Variants in NALCN observed in about 807,000 individuals in gnomAD.
The protein encoded by NALCN is sodium leak channel NALCN.
Under a neutral mutation model 225.3 loss-of-function variants are expected in NALCN, and 111 were observed. The observed-to-expected ratio is 0.49, with a 90% CI of 0.42 to 0.58. NALCN has a LOEUF of 0.58. Ranked by LOEUF, NALCN falls within the 20% of genes least tolerant of loss-of-function variation. The pLI, the probability that NALCN is intolerant of heterozygous loss-of-function variation, is 0.00. For missense variants in NALCN, 1,378 were observed against 2,202.4 expected, an observed-to-expected ratio of 0.63 and a Z score of 7.49; for synonymous variants, 764 against 769.0, an observed-to-expected ratio of 0.99 and a Z score of 0.11.
chr13:101,059,326 A>G (rs1009515033), intron 42 of NALCN: 5 of 152,542 alleles, frequency 3.3e-5, no homozygotes, highest in African/African-American at 1.2e-4. Flanking sequence ...CTGATACCCA[A>G]CCAGGAAAGG....
In NALCN at chr13:101,223,449, G is replaced by A. The variant is rs1401280112; in HGVS notation, c.1626+5944C>T. On this transcript the variant is annotated intron_variant, in intron 13 of 43. Transcript: ENST00000251127. ...GAGGCTTTTCCCACAACCAACAAAC[G>A]AGCCTCTAATGTCACCTCCAAATTA... Among the ~76,000 whole-genome samples, 4 of 152,198 alleles carry A rather than the reference G, an allele frequency of 2.6e-5. No individual in the cohort carries two copies. The South Asian group carries it at 6.2e-4, about 24-fold the overall frequency.
intron 1 of NALCN, among the ~76,000 whole-genome samples, chr13:101,408,602 A>G (rs1322451552): frequency 1.3e-5 from 2 of 152,098 alleles, no homozygotes; most frequent in Admixed American, 1.3e-4. Flanking sequence ...TTGATTTTCA[A>G]TCTAATTTTG....
At chr13:101,126,685 G>T (rs1174323186) in intron 17 of NALCN, among the ~76,000 whole-genome samples, 1 of 151,968 alleles carries the variant, frequency 6.6e-6, no homozygotes, top group Non-Finnish European at 1.5e-5. Context: ...TAGAGATGGG[G>T]TTTCACCATA....
chr13:101,337,277 A>ATTAT (rs3062886), intron 7 of NALCN, among the ~76,000 whole-genome samples: 27,832 of 142,408 alleles, frequency 0.2, 3,069 homozygotes, highest in African/African-American at 0.28. Context: ...TTTACTCTTT[A>ATTAT]TTATTTATTT....
intron 13 of NALCN, among the ~76,000 whole-genome samples, chr13:101,212,888 T>C (rs1319513877): frequency 6.6e-6 from 1 of 152,140 alleles, no homozygotes; most frequent in Non-Finnish European, 1.5e-5. Context: ...AATTTATAGA[T>C]TCAATGCCAT....
At position 101,115,402 on chromosome 13, in the gene NALCN, T is replaced by C. The variant is rs779628558; in HGVS notation, c.2193-4176A>G. ...GTGAACTTAGTTCAATTTCTTTAAC[T>C]GGAGATCAGATCTGTTGCTGGGAAC... On this transcript the variant is annotated intron_variant, in intron 18 of 43. Coordinates refer to ENST00000251127, the MANE Select transcript of NALCN (RefSeq NM_052867.4). 2.0e-5 allele frequency among the ~76,000 whole-genome samples: 3 copies of C among 152,332 alleles called. No homozygotes were observed. In the East Asian group the frequency reaches 5.8e-4, roughly 29 times the overall value.
intron 17 of NALCN, among the ~76,000 whole-genome samples, chr13:101,141,830 A>T (rs996964876): frequency 6.6e-6 from 1 of 152,140 alleles, no homozygotes; most frequent in Non-Finnish European, 1.5e-5. Context: ...AGAAATATGG[A>T]TTTCACTATA....
chr13:101,264,862 A>G (rs1055906485), intron 10 of NALCN, among the ~76,000 whole-genome samples: 2 of 152,218 alleles, frequency 1.3e-5, no homozygotes, highest in African/African-American at 4.8e-5. Flanking sequence ...TTGGCTTCAT[A>G]AAAACAAAAG....
At chr13:101,212,106 C>T (rs2040547197) in intron 13 of NALCN, among the ~76,000 whole-genome samples, 1 of 152,144 alleles carries the variant, frequency 6.6e-6, no homozygotes, top group Non-Finnish European at 1.5e-5. Context: ...GGTCATATGT[C>T]CCTCCATGCC....
chr13:101,060,001 A>G (rs2031720543), intron 41 of NALCN, 34 bp from the exon 42 acceptor site: 1 of 1,608,646 alleles, frequency 6.2e-7, no homozygotes, highest in Non-Finnish European at 8.5e-7. Flanking sequence ...CAGTAAAATA[A>G]GCCCAGCATC....
At chr13:101,298,813 C>A (rs545395642) in intron 7 of NALCN, among the ~76,000 whole-genome samples, 8 of 152,332 alleles carry the variant, frequency 5.3e-5, no homozygotes, top group Non-Finnish European at 1.0e-4. Context: ...ACAGTCCCTG[C>A]AACCCCCAAC....
intron 40 of NALCN, among the ~76,000 whole-genome samples, 164 bp from the exon 41 acceptor site, chr13:101,062,282 G>C (rs1298296415): frequency 6.6e-6 from 1 of 152,136 alleles, no homozygotes; most frequent in Non-Finnish European, 1.5e-5. Context: ...TCACCTCTCT[G>C]TGTCTCCCTT....
At chr13:101,159,420 G>A (rs911969670) in intron 15 of NALCN, among the ~76,000 whole-genome samples, 2 of 152,136 alleles carry the variant, frequency 1.3e-5, no homozygotes, top group African/African-American at 2.4e-5. Context: ...CGCCCCCTCC[G>A]GGTGGTTACT....
chr13:101,209,229 C>T (rs1339423663), intron 13 of NALCN, among the ~76,000 whole-genome samples: 1 of 152,154 alleles, frequency 6.6e-6, no homozygotes, highest in Non-Finnish European at 1.5e-5. Context: ...TAAACTCTCA[C>T]ACATAAAAAG....
At chr13:101,275,378 G>A (rs758977029) in intron 10 of NALCN, among the ~76,000 whole-genome samples, 7 of 152,196 alleles carry the variant, frequency 4.6e-5, no homozygotes, top group African/African-American at 7.2e-5. Flanking sequence ...GAGAAAGGCC[G>A]AATGACACTT....
chr13:101,363,460 CA>C (rs1481649909), intron 6 of NALCN, among the ~76,000 whole-genome samples: 1 of 151,960 alleles, frequency 6.6e-6, no homozygotes. Context: ...TCATTCTTGA[CA>C]AAGGTATCAA....
chr13:101,083,066 C>T (rs370793812), intron 32 of NALCN, 26 bp downstream of exon 32: 232 of 1,606,078 alleles, frequency 1.4e-4, no homozygotes, highest in Non-Finnish European at 1.9e-4. Context: ...AATTCATTCC[C>T]GGAGTCTTAG....
At chr13:101,145,480 T>C in intron 15 of NALCN, among the ~76,000 whole-genome samples, 1 of 152,178 alleles carries the variant, frequency 6.6e-6, no homozygotes, top group East Asian at 1.9e-4. Context: ...CGAACTTAAA[T>C]GCCATATGAT....
intron 7 of NALCN, among the ~76,000 whole-genome samples, chr13:101,305,385 G>A (rs142460299): frequency 0.017 from 2,622 of 152,260 alleles, 23 homozygotes; most frequent in Admixed American, 0.03. Context: ...CCTAATGGAC[G>A]CTTATAAAAT....
Sources: gnomAD v4.1 joint callset for allele counts (sites outside exome capture counted in the v4.1 genomes callset) on GRCh38, gnomAD v4.1.1 for gene constraint, MANE v1.5 for transcripts, NCBI Gene and HGNC (gene_info 2026-07-23, HGNC 2026-07-21) for gene names.